The following NRXN3 variants were observed in gnomAD, a reference collection of about 807,000 sequenced individuals.
NRXN3 encodes neurexin III.
A neutral mutation model predicts 137.6 loss-of-function variants in NRXN3; 32 were observed. That is an observed-to-expected ratio of 0.23 (90% confidence interval 0.18 to 0.31). NRXN3 has a LOEUF of 0.31. Among genes scored for constraint, NRXN3 ranks in the 10% least tolerant of loss-of-function variants. The probability of loss-of-function intolerance (pLI) is 1.00; values close to 1 mark genes in which losing one functional copy is unlikely to be tolerated. For synonymous variants in NRXN3, 798 were observed against 784.5 expected (o/e 1.02, Z -0.29); for missense variants, 1,574 against 2,062.5 (o/e 0.76, Z 4.59).
At chr14:79,484,100 G>A (rs1398110982) in intron 16 of NRXN3, among the ~76,000 whole-genome samples, 4 of 152,162 alleles carry the variant, frequency 2.6e-5, no homozygotes, top group Non-Finnish European at 5.9e-5. Context: ...AACCGGATCA[G>A]TACATGGAGA....
At chr14:78,314,120 C>T (rs988588033) in intron 4 of NRXN3, among the ~76,000 whole-genome samples, 1 of 152,044 alleles carries the variant, frequency 6.6e-6, no homozygotes, top group African/African-American at 2.4e-5. Flanking sequence ...ATATGAAAGC[C>T]CTTTTCTGGG....
chr14:78,613,474 A>G (rs1001644696), intron 4 of NRXN3, among the ~76,000 whole-genome samples: 3 of 151,656 alleles, frequency 2.0e-5, no homozygotes, highest in Non-Finnish European at 4.4e-5. Context: ...TTATCTAGCT[A>G]TTGGAATTTT....
chr14:79,748,835 G>C (rs1271417019), intron 19 of NRXN3, among the ~76,000 whole-genome samples: 1 of 151,930 alleles, frequency 6.6e-6, no homozygotes, highest in African/African-American at 2.4e-5. Context: ...GGGACTGACA[G>C]AGAGAAGGAA....
intron 1 of NRXN3, among the ~76,000 whole-genome samples, chr14:78,233,023 G>A (rs2065660623): frequency 6.6e-6 from 1 of 152,230 alleles, no homozygotes; most frequent in Non-Finnish European, 1.5e-5. Context: ...ACCCACTAGA[G>A]AACTCAGGGT....
intron 1 of NRXN3, among the ~76,000 whole-genome samples, chr14:78,193,557 T>C (rs1404822091): frequency 6.6e-6 from 1 of 152,010 alleles, no homozygotes; most frequent in African/African-American, 2.4e-5. Context: ...TTAGGTGTGA[T>C]TCAAGACCAG....
chr14:79,530,715 G>A (rs2097162472), intron 16 of NRXN3, among the ~76,000 whole-genome samples: 1 of 151,994 alleles, frequency 6.6e-6, no homozygotes, highest in Non-Finnish European at 1.5e-5. Flanking sequence ...AACCAAGGAG[G>A]GGGAAATGGG....
chr14:79,616,188 A>C (rs941038731), intron 16 of NRXN3, among the ~76,000 whole-genome samples: 3 of 152,196 alleles, frequency 2.0e-5, no homozygotes, highest in Non-Finnish European at 2.9e-5. Flanking sequence ...GAAGGAAGCC[A>C]GAACTGGAGC....
intron 15 of NRXN3, among the ~76,000 whole-genome samples, chr14:79,103,384 G>A (rs989816838): frequency 1.3e-5 from 2 of 152,166 alleles, no homozygotes; most frequent in South Asian, 2.1e-4. Flanking sequence ...TTCTTTGTTT[G>A]AGTAATGATT....
At chr14:79,534,186 C>T (rs964401094) in intron 16 of NRXN3, among the ~76,000 whole-genome samples, 2 of 152,064 alleles carry the variant, frequency 1.3e-5, no homozygotes, top group South Asian at 4.1e-4. Flanking sequence ...TGGAGAAGAC[C>T]ACTGGTTTAT....
At chr14:78,720,354 A>G (rs1324935542) in intron 8 of NRXN3, among the ~76,000 whole-genome samples, 1 of 152,208 alleles carries the variant, frequency 6.6e-6, no homozygotes, top group East Asian at 1.9e-4. Flanking sequence ...CTTAATTCTA[A>G]TCAGATAGGT....
At chr14:78,467,749 A>G (rs1478023535) in intron 4 of NRXN3, among the ~76,000 whole-genome samples, 2 of 152,216 alleles carry the variant, frequency 1.3e-5, no homozygotes, top group African/African-American at 4.8e-5. Context: ...GGACTCAATT[A>G]TGTAGTGGTT....
chr14:78,509,794 A>AC (rs2096067645), intron 4 of NRXN3, among the ~76,000 whole-genome samples: 1 of 152,048 alleles, frequency 6.6e-6, no homozygotes, highest in Non-Finnish European at 1.5e-5. Context: ...GGACTCTTCT[A>AC]CCTGCTTGAA....
intron 2 of NRXN3, among the ~76,000 whole-genome samples, chr14:78,265,476 C>G (rs1035846180): frequency 6.6e-6 from 1 of 152,084 alleles, no homozygotes. Flanking sequence ...TTTTTATATA[C>G]ATTATCTCAT....
At chr14:79,860,667 T>C (rs540661753) in intron 20 of NRXN3, among the ~76,000 whole-genome samples, 147 of 152,352 alleles carry the variant, frequency 9.6e-4, no homozygotes, top group African/African-American at 3.4e-3. Flanking sequence ...AATTCTTAAG[T>C]TAAGCACACA....
At position 78,880,711 on chromosome 14, in the gene NRXN3, T is replaced by C. The variant is rs1043512651; in HGVS notation, c.2275+70367T>C. Among the ~76,000 whole-genome samples the C allele has an allele frequency of 4.6e-5, 7 of 152,202 alleles. No individual in the cohort carries two copies. The South Asian group carries it at 1.2e-3, about 27-fold the overall frequency. On this transcript the variant is annotated intron_variant, in intron 10 of 20. Coordinates refer to ENST00000335750, the MANE Select transcript of NRXN3 (RefSeq NM_001330195.2). Reference sequence around the variant, plus strand: ...ATATGTATATATGTATTTATTCATATGGTACATGTGCTTACAAGCAGGAAG... The same window carrying C: ...ATATGTATATATGTATTTATTCATACGGTACATGTGCTTACAAGCAGGAAG...
rs186963492 is a variant in NRXN3, at chr14:78,951,380, T to A, written c.2276-5862T>A. ...CAGCTTTGCATGATTGGCTCCTTCC[T>A]AAATGCACCTTCTCAGAGAAGCCTT... On this transcript the variant is annotated intron_variant, in intron 10 of 20. Transcript: ENST00000335750. 3.0e-4 allele frequency among the ~76,000 whole-genome samples: 45 copies of A among 152,252 alleles called. No homozygotes were observed. The East Asian group carries it at 7.9e-3, about 27-fold the overall frequency.
chr14:78,762,959 C>T (rs2098697467), intron 8 of NRXN3, among the ~76,000 whole-genome samples: 1 of 152,122 alleles, frequency 6.6e-6, no homozygotes, highest in East Asian at 1.9e-4. Context: ...GAGTTCTTCA[C>T]CCTGATGGCT....
At chr14:78,586,276 GA>G (rs1411680599) in intron 4 of NRXN3, among the ~76,000 whole-genome samples, 33 of 152,020 alleles carry the variant, frequency 2.2e-4, no homozygotes, top group African/African-American at 8.0e-4. Context: ...CCTTGATTTA[GA>G]GATCAAGGAG....
chr14:78,955,924 T>A (rs1438027247), intron 10 of NRXN3, among the ~76,000 whole-genome samples: 1 of 152,148 alleles, frequency 6.6e-6, no homozygotes, highest in African/African-American at 2.4e-5. Context: ...CAAAATTACT[T>A]AGATAAAATA....
Sources: allele counts gnomAD v4.1 joint callset (sites outside exome capture counted in the v4.1 genomes callset), GRCh38; gene constraint gnomAD v4.1.1; transcripts MANE v1.5; gene names NCBI Gene and HGNC (gene_info 2026-07-23, HGNC 2026-07-21).